The following ROBO1 variants were observed in gnomAD, a reference collection of about 807,000 sequenced individuals.
ROBO1 encodes roundabout homolog 1.
A neutral mutation model predicts 195.9 loss-of-function variants in ROBO1; 149 were observed. That is an observed-to-expected ratio of 0.76 (90% CI 0.67 to 0.87). ROBO1 has a LOEUF of 0.87. Ranked by LOEUF, ROBO1 falls within the 40% of genes least tolerant of loss-of-function variation. The pLI is 0.00. For synonymous variants in ROBO1, 816 were observed against 733.2 expected (o/e 1.11, Z -1.82); for missense variants, 1,933 against 2,068.3 (o/e 0.93, Z 1.27).
At chr3:78,983,006 C>T (rs558331330) in intron 3 of ROBO1, among the ~76,000 whole-genome samples, 1 of 152,100 alleles carries the variant, frequency 6.6e-6, no homozygotes, top group Admixed American at 6.6e-5. Flanking sequence ...CACCTGGGCT[C>T]CAGGGATCCT....
chr3:79,135,369 C>T (rs1333989454), intron 2 of ROBO1, among the ~76,000 whole-genome samples: 2 of 152,062 alleles, frequency 1.3e-5, no homozygotes, highest in East Asian at 1.9e-4. Context: ...TAGCAGGCAA[C>T]TAAGAGTGAG....
intron 3 of ROBO1, among the ~76,000 whole-genome samples, chr3:79,040,545 C>T (rs752611683): frequency 3.3e-5 from 5 of 152,122 alleles, no homozygotes; most frequent in African/African-American, 7.2e-5. Flanking sequence ...AAACACAACT[C>T]GTATTTTTGC....
At chr3:79,249,769 G>T (rs1293795999) in intron 2 of ROBO1, among the ~76,000 whole-genome samples, 1 of 152,184 alleles carries the variant, frequency 6.6e-6, no homozygotes, top group Non-Finnish European at 1.5e-5. Flanking sequence ...CGTGGACATA[G>T]ACGTATTCTA....
rs397874150 is a variant in ROBO1 at position 79,118,235 on chromosome 3, G to GTT, written c.172+7219_172+7220dup. The stretch of plus-strand genomic sequence containing the variant: ...GGCTGGTACAAAAGTAATTGTGTGG[G>GTT]TTTTTTTTTTTTTTTGCAATTTTTA... On this transcript the variant is annotated intron_variant, in intron 3 of 30. Transcript: ENST00000464233. Among the ~76,000 whole-genome samples the GTT allele has an allele frequency of 8.0e-3, 1,131 of 141,834 alleles. 13 individuals carry two copies. Among genetic ancestry groups the GTT allele is most frequent in the African/African-American group, 0.028 (1,054 of 37,244 alleles). The allele number at this position is 141,834 out of a possible 152,430, so 93.0% of individuals were successfully genotyped here. A position where few individuals can be genotyped will look rare whatever the true frequency, so the allele number is the denominator to read the frequency against.
chr3:79,580,670 T>G (rs951377320), intron 2 of ROBO1, among the ~76,000 whole-genome samples: 2 of 152,120 alleles, frequency 1.3e-5, no homozygotes, highest in African/African-American at 4.8e-5. Context: ...TTAAATATAT[T>G]CACTGATATT....
At chr3:78,923,115 A>G (rs2039034400) in intron 4 of ROBO1, among the ~76,000 whole-genome samples, 1 of 152,214 alleles carries the variant, frequency 6.6e-6, no homozygotes. Flanking sequence ...TATAGACAAG[A>G]AAATGAAGTC....
At chr3:78,834,909 T>C (rs1352427582) in intron 4 of ROBO1, among the ~76,000 whole-genome samples, 1 of 152,210 alleles carries the variant, frequency 6.6e-6, no homozygotes, top group Non-Finnish European at 1.5e-5. Flanking sequence ...ATAAGTATTT[T>C]TCTACAATGT....
At chr3:79,160,864 C>T (rs576296483) in intron 2 of ROBO1, among the ~76,000 whole-genome samples, 1 of 151,952 alleles carries the variant, frequency 6.6e-6, no homozygotes, top group African/African-American at 2.4e-5. Flanking sequence ...GCCTCACCCC[C>T]CCAACCTCAA....
At chr3:79,072,810 T>C (rs1040256038) in intron 3 of ROBO1, among the ~76,000 whole-genome samples, 2 of 151,922 alleles carry the variant, frequency 1.3e-5, no homozygotes, top group African/African-American at 4.8e-5. Context: ...ATTAATTTTC[T>C]CTCCCAAAAA....
intron 2 of ROBO1, among the ~76,000 whole-genome samples, chr3:79,491,386 T>C (rs906089602): frequency 1.3e-5 from 2 of 152,122 alleles, no homozygotes; most frequent in Non-Finnish European, 2.9e-5. Context: ...GACAGTCGGG[T>C]TGTAAGAGTA....
chr3:79,613,184 T>C (rs921136883), intron 1 of ROBO1, among the ~76,000 whole-genome samples: 1 of 151,996 alleles, frequency 6.6e-6, no homozygotes, highest in African/African-American at 2.4e-5. Flanking sequence ...AAATAGTTTT[T>C]TCATTTAGCT....
chr3:78,984,654 T>C lies in ROBO1; in HGVS notation c.173-45727A>G, dbSNP rs77107070. Among the ~76,000 whole-genome samples, 1,493 of 152,288 alleles carry C rather than the reference T, an allele frequency of 9.8e-3. 28 individuals are homozygous for C. Among genetic ancestry groups the C allele is most frequent in the African/African-American group, 0.032 (1,318 of 41,566 alleles). ...TATTCCTCCTCTACCCCAGAAAGGT[T>C]TTCCTTGTTCTTAGTTAAGGATGTG... is the stretch of plus-strand genomic sequence containing the variant. On this transcript the variant is annotated intron_variant, in intron 3 of 30. Transcript: ENST00000464233.
At chr3:79,503,218 A>G (rs1030921991) in intron 2 of ROBO1, among the ~76,000 whole-genome samples, 6 of 152,074 alleles carry the variant, frequency 3.9e-5, no homozygotes, top group African/African-American at 1.4e-4. Context: ...GGAATGAACA[A>G]CTGCAGACGC....
chr3:79,565,081 G>A (rs1172935088), intron 2 of ROBO1, among the ~76,000 whole-genome samples: 1 of 152,072 alleles, frequency 6.6e-6, no homozygotes, highest in Non-Finnish European at 1.5e-5. Context: ...TTAATTGCAG[G>A]AAGGTATTGA....
At position 79,474,241 on chromosome 3, in the gene ROBO1, T is replaced by A. The variant is rs926111275; in HGVS notation, c.88+115583A>T. On this transcript the variant is annotated intron_variant, in intron 2 of 30. Coordinates refer to ENST00000464233, the MANE Select transcript of ROBO1 (RefSeq NM_002941.4). ...CCAAAGTGTTAGTGAGTCGCTCATG[T>A]GCTAAGTGAATCTCTAAGTGACTGT... Among the ~76,000 whole-genome samples, 7 of 152,140 alleles carry A rather than the reference T, an allele frequency of 4.6e-5. No individual in the cohort carries two copies. The East Asian group carries it at 1.3e-3, about 29-fold the overall frequency.
chr3:79,336,885 A>G (rs1283910289), intron 2 of ROBO1, among the ~76,000 whole-genome samples: 1 of 152,182 alleles, frequency 6.6e-6, no homozygotes, highest in East Asian at 1.9e-4. Flanking sequence ...CATCAGTATG[A>G]CCGGAATGTG....
intron 2 of ROBO1, among the ~76,000 whole-genome samples, chr3:79,256,104 T>C (rs1047719281): frequency 2.6e-5 from 4 of 152,244 alleles, no homozygotes; most frequent in African/African-American, 9.6e-5. Context: ...TTTGTTTGAC[T>C]GGCTTTTTCC....
intron 3 of ROBO1, among the ~76,000 whole-genome samples, chr3:79,039,821 G>GTTATGTCT (rs2078452406): frequency 4.2e-5 from 1 of 24,076 alleles, no homozygotes; most frequent in East Asian, 1.5e-3. Flanking sequence ...AAAAAAAAAA[G>GTTATGTCT]TTATGTCTAT....
intron 3 of ROBO1, among the ~76,000 whole-genome samples, chr3:79,104,593 C>T (rs536533530): frequency 5.3e-4 from 81 of 151,618 alleles, no homozygotes; most frequent in Non-Finnish European, 9.4e-4. Context: ...GCATGAGTCA[C>T]TTGTCCAGCG....
Sources: allele counts gnomAD v4.1 joint callset (sites outside exome capture counted in the v4.1 genomes callset), GRCh38; gene constraint gnomAD v4.1.1; transcripts MANE v1.5; gene names NCBI Gene and HGNC (gene_info 2026-07-23, HGNC 2026-07-21).